DOCK2: variants seen among roughly 807,000 people sequenced by gnomAD.
DOCK2 encodes the protein dedicator of cytokinesis protein 2.
A neutral mutation model predicts 248.9 loss-of-function variants in DOCK2; 87 were observed. The observed-to-expected ratio is 0.35, with a 90% CI of 0.29 to 0.42. The LOEUF (loss-of-function observed/expected upper bound fraction) is 0.42, where lower values mean the gene tolerates loss of function less well. Ranked by LOEUF, DOCK2 falls within the 10% of genes least tolerant of loss-of-function variation. DOCK2 has a pLI of 1.00. For synonymous variants in DOCK2, 805 were observed against 821.6 expected (o/e 0.98, Z 0.35); for missense variants, 1,747 against 2,300.2 (o/e 0.76, Z 4.92).
intron 25 of DOCK2, among the ~76,000 whole-genome samples, chr5:169,771,596 A>C (rs1435105000): frequency 6.6e-6 from 1 of 152,060 alleles, no homozygotes; most frequent in Non-Finnish European, 1.5e-5. Flanking sequence ...TCTTTCTGTC[A>C]GATTGGTTGT....
intron 3 of DOCK2, among the ~76,000 whole-genome samples, 174 bp from the exon 4 acceptor site, chr5:169,670,368 T>C (rs1758980322): frequency 6.6e-6 from 1 of 152,184 alleles, no homozygotes; most frequent in African/African-American, 2.4e-5. Context: ...TCTAAACAAG[T>C]AGATTTAGAA....
At chr5:169,748,612 T>A (rs571845343) in intron 23 of DOCK2, among the ~76,000 whole-genome samples, 1 of 152,296 alleles carries the variant, frequency 6.6e-6, no homozygotes, top group African/African-American at 2.4e-5. Context: ...TCCTGATAAT[T>A]CTAAAATTTA....
intron 25 of DOCK2, among the ~76,000 whole-genome samples, chr5:169,766,944 C>T (rs111934520): frequency 3.2e-4 from 48 of 152,084 alleles, no homozygotes; most frequent in African/African-American, 1.1e-3. Flanking sequence ...TTAGTAGAGA[C>T]GGGGTTTCAC....
intron 27 of DOCK2, among the ~76,000 whole-genome samples, chr5:169,915,892 A>G (rs543156473): frequency 2.3e-4 from 35 of 152,230 alleles, no homozygotes; most frequent in African/African-American, 8.4e-4. Flanking sequence ...ATTAAATGGT[A>G]TACATTGGTT....
intron 2 of DOCK2, among the ~76,000 whole-genome samples, chr5:169,661,080 G>A (rs1222062538): frequency 3.9e-5 from 6 of 151,992 alleles, no homozygotes; most frequent in Admixed American, 3.3e-4. Context: ...TAGAAGAATG[G>A]TATCTACTAA....
intron 34 of DOCK2, among the ~76,000 whole-genome samples, chr5:170,030,883 A>G (rs921097571): frequency 2.0e-5 from 3 of 152,152 alleles, no homozygotes; most frequent in Non-Finnish European, 4.4e-5. Context: ...CATGGCTTGG[A>G]TGGGGCCTTG....
chr5:170,004,852 G>GT (rs1026412985), intron 30 of DOCK2, among the ~76,000 whole-genome samples: 2 of 148,186 alleles, frequency 1.3e-5, no homozygotes, highest in Non-Finnish European at 3.0e-5. Flanking sequence ...TCACTCATAG[G>GT]TGGGAACTGA....
chr5:169,912,037 C>T (rs1394040496), intron 27 of DOCK2, among the ~76,000 whole-genome samples: 1 of 152,168 alleles, frequency 6.6e-6, no homozygotes, highest in Non-Finnish European at 1.5e-5. Flanking sequence ...AACTGCGTAC[C>T]TATGCACATC....
intron 30 of DOCK2, among the ~76,000 whole-genome samples, chr5:169,997,396 T>C (rs562669001): frequency 3.4e-4 from 50 of 148,294 alleles, no homozygotes; most frequent in African/African-American, 1.2e-3. Context: ...CTTCCTCTTT[T>C]ACTAATCCTC....
intron 22 of DOCK2, among the ~76,000 whole-genome samples, chr5:169,725,004 G>T (rs935288832): frequency 6.6e-6 from 1 of 152,148 alleles, no homozygotes; most frequent in African/African-American, 2.4e-5. Flanking sequence ...ACTCAGAGGT[G>T]CTTGCCAGTG....
At chr5:169,798,810 T>C (rs758735984) in intron 25 of DOCK2, among the ~76,000 whole-genome samples, 1 of 152,218 alleles carries the variant, frequency 6.6e-6, no homozygotes, top group African/African-American at 2.4e-5. Context: ...AATGTGTGAA[T>C]GGGTTAGCTC....
intron 27 of DOCK2, among the ~76,000 whole-genome samples, chr5:169,921,709 G>T (rs1775182073): frequency 6.6e-6 from 1 of 152,202 alleles, no homozygotes; most frequent in African/African-American, 2.4e-5. Flanking sequence ...AGATGGGATT[G>T]CATCCCAGGA....
At chr5:169,868,485 G>A (rs924000624) in intron 27 of DOCK2, among the ~76,000 whole-genome samples, 6 of 152,322 alleles carry the variant, frequency 3.9e-5, no homozygotes, top group East Asian at 1.9e-4. Flanking sequence ...TAGGCTGGGC[G>A]CAGTGGCTCA....
At chr5:169,874,518 G>A (rs1274305302) in intron 27 of DOCK2, among the ~76,000 whole-genome samples, 1 of 151,906 alleles carries the variant, frequency 6.6e-6, no homozygotes, top group African/African-American at 2.4e-5. Flanking sequence ...CTTCATGCAT[G>A]GTCCTTGGTT....
At chr5:169,815,860 A>T (rs1329220661) in intron 26 of DOCK2, among the ~76,000 whole-genome samples, 1 of 152,070 alleles carries the variant, frequency 6.6e-6, no homozygotes, top group East Asian at 1.9e-4. Flanking sequence ...GGAGGAATGG[A>T]GAAGGTACCC....
chr5:169,660,627 C>T lies in DOCK2; in HGVS notation c.127+6141C>T, dbSNP rs577143348. Among the ~76,000 whole-genome samples, 14 of 152,224 alleles carry T rather than the reference C, an allele frequency of 9.2e-5. No homozygotes were observed. The South Asian group carries it at 1.0e-3, about 11-fold the overall frequency. On this transcript the variant is annotated intron_variant, in intron 2 of 51. Transcript: ENST00000520908. ...AGGAGGGCACACCAAGAGCCATAGGCAGTGGCTTCCATGCTAATAACTCCT... is the reference window on the plus strand; with the variant it reads ...AGGAGGGCACACCAAGAGCCATAGGTAGTGGCTTCCATGCTAATAACTCCT...
intron 26 of DOCK2, among the ~76,000 whole-genome samples, chr5:169,824,482 A>G (rs1304650603): frequency 6.6e-6 from 1 of 152,238 alleles, no homozygotes; most frequent in Non-Finnish European, 1.5e-5. Flanking sequence ...ATCTACAACT[A>G]TCTGATCTTT....
intron 10 of DOCK2, among the ~76,000 whole-genome samples, chr5:169,698,050 T>C (rs1459622271): frequency 6.6e-6 from 1 of 152,252 alleles, no homozygotes; most frequent in Non-Finnish European, 1.5e-5. Context: ...TACATGCATG[T>C]CAAATCCAAA....
At chr5:169,734,829 A>G (rs1762953395) in intron 22 of DOCK2, among the ~76,000 whole-genome samples, 1 of 152,196 alleles carries the variant, frequency 6.6e-6, no homozygotes, top group South Asian at 2.1e-4. Flanking sequence ...TGCAGGCCCT[A>G]GGATTGATCT....
Sources: gnomAD v4.1 joint callset for allele counts (sites outside exome capture counted in the v4.1 genomes callset) on GRCh38, gnomAD v4.1.1 for gene constraint, MANE v1.5 for transcripts, NCBI Gene and HGNC (gene_info 2026-07-23, HGNC 2026-07-21) for gene names.